The following GPR21 variants were observed in gnomAD, a reference collection of about 807,000 sequenced individuals.
GPR21 encodes G protein-coupled receptor 21, also known as probable G protein-coupled receptor 21.
Under a neutral mutation model 21.5 loss-of-function variants are expected in GPR21, and 9 were observed. The observed-to-expected ratio is 0.42, with a 90% CI of 0.25 to 0.73. The LOEUF (loss-of-function observed/expected upper bound fraction) is 0.73, where lower values mean the gene tolerates loss of function less well. Ranked by LOEUF, GPR21 falls within the 30% of genes least tolerant of loss-of-function variation. The probability of loss-of-function intolerance (pLI) is 0.27; values close to 1 mark genes in which losing one functional copy is unlikely to be tolerated. For synonymous variants in GPR21, 169 were observed against 159.3 expected (o/e 1.06, Z -0.46); for missense variants, 416 against 428.9 (o/e 0.97, Z 0.27).
chr9:123,041,410 A>G, the GPR21 span, among the ~76,000 whole-genome samples: 18 of 152,226 alleles, frequency 1.2e-4, no homozygotes, highest in African/African-American at 4.3e-4. Context: ...ACATAGGCTT[A>G]GAGAGGTTAA....
At chr9:123,042,808 G>C in the GPR21 span, among the ~76,000 whole-genome samples, 1 of 152,178 alleles carries the variant, frequency 6.6e-6, no homozygotes, top group African/African-American at 2.4e-5. Flanking sequence ...AAAGATACGT[G>C]TTTTCATAAT....
the GPR21 span, among the ~76,000 whole-genome samples, chr9:123,044,623 G>A: frequency 7.3e-5 from 7 of 96,018 alleles, no homozygotes; most frequent in Admixed American, 2.0e-4. Context: ...GAAAACACAC[G>A]TACGTGTGTG....
Position 123,035,608 on chromosome 9 carries a change from C to T in GPR21, c.1042C>T (p.His348Tyr). 1 of 1,578,778 alleles carries T rather than the reference C, an allele frequency of 6.3e-7. No homozygotes were observed. Among genetic ancestry groups the T allele is most frequent in the South Asian group, 1.2e-5 (1 of 86,572 alleles). Reference protein sequence around the residue: ...VRSKGPLNGCHI With the variant: ...VRSKGPLNGCYI ...AAGCAAAGGCCCTCTTAATGGATGTCATATCTGAAGTGGCTCAGTTACGGG... is the reference window on the plus strand; with the variant it reads ...AAGCAAAGGCCCTCTTAATGGATGTTATATCTGAAGTGGCTCAGTTACGGG... The change falls in exon 2 of 2, where the codon CAT (histidine) becomes TAT (tyrosine). Residue 348 changes from histidine (H) to tyrosine (Y), a missense_variant. Coordinates refer to ENST00000616002, the MANE Select transcript of GPR21 (RefSeq NM_005294.3).
At chr9:123,039,396 A>G (rs2032839154), downstream of GPR21, among the ~76,000 whole-genome samples, 1 of 152,176 alleles carries the variant, frequency 6.6e-6, no homozygotes, top group Non-Finnish European at 1.5e-5. Context: ...GACCTGGCTC[A>G]GAGCAGAAGT....
chr9:123,034,492 A>G lies in GPR21; in HGVS notation c.-75A>G. The stretch of plus-strand genomic sequence containing the variant: ...CACACATGCAAAGCTGACCGCAATG[A>G]CAGCAGCTGCTTCTTTGAACTGTTG... On this transcript the variant is annotated 5_prime_UTR_variant, in exon 2 of 2. Coordinates refer to ENST00000616002, the MANE Select transcript of GPR21 (RefSeq NM_005294.3). 3.4e-6 allele frequency: 3 copies of G among 888,848 alleles called. No homozygotes were observed. The South Asian group carries it at 4.8e-5, about 14-fold the overall frequency. The allele number at this position is 888,848 out of a possible 1,614,324, so 55.1% of individuals were successfully genotyped here.
chr9:123,048,865 A>G, the GPR21 span, among the ~76,000 whole-genome samples: 1 of 152,228 alleles, frequency 6.6e-6, no homozygotes. Flanking sequence ...GAAAAGGTTG[A>G]CAGTGCAGTT....
At chr9:123,034,080 G>A (rs775979300) in intron 1 of GPR21, 91 bp from the exon 2 acceptor site, 6 of 163,462 alleles carry the variant, frequency 3.7e-5, no homozygotes, top group South Asian at 1.8e-4. Flanking sequence ...GGGGTGGAGC[G>A]GGAGGGATGA....
the GPR21 span, among the ~76,000 whole-genome samples, chr9:123,045,082 C>T: frequency 1.3e-5 from 2 of 152,182 alleles, no homozygotes; most frequent in Non-Finnish European, 2.9e-5. Flanking sequence ...TACAAAACGA[C>T]TGAATTAGCT....
chr9:123,035,749 T>C (rs2032620005), downstream of GPR21: 3 of 606,810 alleles, frequency 4.9e-6, no homozygotes, highest in East Asian at 2.8e-5. Context: ...CTCTAAACAA[T>C]AGCATACAAA....
the GPR21 span, among the ~76,000 whole-genome samples, chr9:123,048,041 G>T: frequency 1.4e-5 from 2 of 142,846 alleles, no homozygotes; most frequent in Non-Finnish European, 3.0e-5. Context: ...CCAGGTTCAA[G>T]CGATTCTCCT....
At chr9:123,038,050 A>T (rs2032758455), downstream of GPR21, among the ~76,000 whole-genome samples, 1 of 152,194 alleles carries the variant, frequency 6.6e-6, no homozygotes, top group Non-Finnish European at 1.5e-5. Context: ...AAGTAGGATT[A>T]TACTGATGTT....
At chr9:123,040,320 G>A (rs2032891260), downstream of GPR21, among the ~76,000 whole-genome samples, 1 of 152,124 alleles carries the variant, frequency 6.6e-6, no homozygotes, top group African/African-American at 2.4e-5. Context: ...AGTAGATGCT[G>A]GTAATTGAGA....
downstream of GPR21, among the ~76,000 whole-genome samples, chr9:123,039,058 A>C (rs1165232554): frequency 6.6e-6 from 1 of 152,146 alleles, no homozygotes; most frequent in Non-Finnish European, 1.5e-5. Context: ...TACTTTGTAA[A>C]TTGTAAAGTG....
chr9:123,034,932 T>C lies in GPR21; in HGVS notation c.366T>C (p.Cys122=). 1 of 1,613,410 alleles carries C rather than the reference T, an allele frequency of 6.2e-7. No homozygotes were observed. The highest frequency in any genetic ancestry group is 1.6e-4 in the Middle Eastern group (1 of 6,062). ...GCGTCTCCATGGCTTCTCTGGCCTG[T>C]ATCAGCATTGATAGATACATTGCCA... is the stretch of plus-strand genomic sequence containing the variant. The part of the protein sequence containing the change: ...LKSVSMASLA[C]ISIDRYIAIT... Residue 122 remains cysteine, a synonymous_variant, in exon 2 of 2, where the codon TGT becomes TGC. Transcript: ENST00000616002.
downstream of GPR21, among the ~76,000 whole-genome samples, chr9:123,038,241 A>C (rs1275098428): frequency 6.6e-6 from 1 of 152,180 alleles, no homozygotes; most frequent in Admixed American, 6.5e-5. Flanking sequence ...CTCTTACTCA[A>C]AATTCCATTT....
the GPR21 span, among the ~76,000 whole-genome samples, chr9:123,042,366 A>G: frequency 2.0e-5 from 3 of 152,228 alleles, no homozygotes; most frequent in African/African-American, 7.2e-5. Context: ...TTTGAGAAAA[A>G]GTTCTCACAT....
chr9:123,034,709 T>C lies in GPR21; in HGVS notation c.143T>C (p.Ile48Thr), dbSNP rs2032517546. The C allele has an allele frequency of 6.2e-7, 1 of 1,613,596 alleles. No individual in the cohort carries two copies. Among genetic ancestry groups the C allele is most frequent in the Admixed American group, 1.7e-5 (1 of 60,024 alleles). The change falls in exon 2 of 2, where the codon ATT (isoleucine) becomes ACT (threonine). Residue 48 changes from isoleucine to threonine, a missense_variant. Transcript: ENST00000616002. ...GTATTGATTATTTCTGGCAACATCATTGTGATTTTTGTATTTCACTGTGCA... is the reference window on the plus strand; with the variant it reads ...GTATTGATTATTTCTGGCAACATCACTGTGATTTTTGTATTTCACTGTGCA... ...LTVLIISGNI[I>T]VIFVFHCAPL...
chr9:123,048,438 G>A, the GPR21 span, among the ~76,000 whole-genome samples: 1 of 152,204 alleles, frequency 6.6e-6, no homozygotes, highest in Non-Finnish European at 1.5e-5. Flanking sequence ...TTGGTCCTCT[G>A]TGTGTCTGTG....
downstream of GPR21, among the ~76,000 whole-genome samples, chr9:123,040,285 A>G (rs1285223278): frequency 6.6e-6 from 1 of 152,208 alleles, no homozygotes; most frequent in African/African-American, 2.4e-5. Flanking sequence ...GGTGTATAAA[A>G]TCATGTCACT....
Sources: allele counts gnomAD v4.1 joint callset (sites outside exome capture counted in the v4.1 genomes callset), GRCh38; gene constraint gnomAD v4.1.1; transcripts MANE v1.5; gene names NCBI Gene and HGNC (gene_info 2026-07-23, HGNC 2026-07-21).